MPI: variants seen among roughly 807,000 people sequenced by gnomAD.
The protein encoded by MPI is mannose phosphate isomerase.
Under a neutral mutation model 40.1 loss-of-function variants are expected in MPI, and 33 were observed. That is an observed-to-expected ratio of 0.82 (90% CI 0.62 to 1.10). The LOEUF is 1.10. Ranked by LOEUF, MPI falls within the 50% of genes least tolerant of loss-of-function variation. The pLI is 0.00. For missense variants in MPI, 514 were observed against 524.1 expected (o/e 0.98, Z 0.19); for synonymous variants, 187 against 207.4 (o/e 0.90, Z 0.85).
At position 74,895,129 on chromosome 15, in the gene MPI, C is replaced by CT. The variant is rs71140110; in HGVS notation, c.671-1004dup. 7.1e-3 allele frequency among the ~76,000 whole-genome samples: 784 copies of CT among 110,536 alleles called. 5 individuals are homozygous for CT. The highest frequency in any genetic ancestry group is 0.011 in the Middle Eastern group (2 of 190). 72.5% of individuals were successfully genotyped at this position (110,536 alleles called of 152,430 possible). ...TACAGGCACGTGCCACCACACCTGGCTTTTTTTTTTTTTTTTTTTGTATTT... is the reference window on the plus strand; with the variant it reads ...TACAGGCACGTGCCACCACACCTGGCTTTTTTTTTTTTTTTTTTTTGTATTT... On this transcript the variant is annotated intron_variant, in intron 5 of 7. Coordinates refer to ENST00000352410, the MANE Select transcript of MPI (RefSeq NM_002435.3).
At chr15:74,890,757 G>A in intron 2 of MPI, 103 bp downstream of exon 2, 1 of 1,538,516 alleles carries the variant, frequency 6.5e-7, no homozygotes, top group Non-Finnish European at 8.9e-7. Context: ...CAGCAAGGAG[G>A]GAGGAGACCC....
chr15:74,892,798 A>G lies in MPI; in HGVS notation c.483A>G (p.Leu161=), dbSNP rs752681489. Residue 161 remains leucine (L), a synonymous_variant, in exon 4 of 8, where the codon CTA becomes CTG. Coordinates refer to ENST00000352410, the MANE Select transcript of MPI (RefSeq NM_002435.3). ...FRPVEEIVTF[L]KKVPEFQFLI... The stretch of plus-strand genomic sequence containing the variant: ...CAGTTGAGGAGATTGTAACCTTTCT[A>G]AAGAGTAAGTTGGGCAGAATGCTGA... The G allele has an allele frequency of 6.2e-7, 1 of 1,614,192 alleles. No individual in the cohort carries two copies.
In MPI at chr15:74,898,028, G is replaced by T; in HGVS notation, c.*298G>T. ...AACTCTGTTCCAGCCTATGGCTTTA[G>T]GCTAGCTGTTAAATATGTGACCCAG... On this transcript the variant is annotated 3_prime_UTR_variant, in exon 8 of 8. Coordinates refer to ENST00000352410, the MANE Select transcript of MPI (RefSeq NM_002435.3). The T allele has an allele frequency of 2.2e-6, 1 of 464,170 alleles. No homozygotes were observed. The highest frequency in any genetic ancestry group is 4.0e-6 in the Non-Finnish European group (1 of 249,252). 28.8% of individuals were successfully genotyped at this position (464,170 alleles called of 1,614,324 possible). A position where few individuals can be genotyped will look rare whatever the true frequency, so the allele number is the denominator to read the frequency against.
In MPI at chr15:74,901,883, A is replaced by G. The variant is rs1595834256; in HGVS notation, c.*4153A>G. The G allele has an allele frequency of 1.0e-5, 4 of 382,474 alleles. No homozygotes were observed. The East Asian group carries it at 1.1e-4, about 11-fold the overall frequency. 23.7% of individuals were successfully genotyped at this position (382,474 alleles called of 1,614,324 possible). ...CCAGACCAAGGAAATACAAATAAAT[A>G]AATATGAACATGTCAGAGCAGTTTT... On this transcript the variant is annotated 3_prime_UTR_variant, in exon 8 of 8. Transcript: ENST00000352410.
At position 74,893,307 on chromosome 15, in the gene MPI, G is replaced by A. The variant is rs1318782866; in HGVS notation, c.657G>A (p.Arg219=). ...AACAGCTCAACCTGTTGGTGAAGCGGATCTCCCAGCAAGGTGGACACAGTT... is the reference window on the plus strand; with the variant it reads ...AACAGCTCAACCTGTTGGTGAAGCGAATCTCCCAGCAAGGTGGACACAGTT... ...VVEQLNLLVK[R]ISQQAAAGNN... is the part of the protein sequence containing the mutation. The change falls in exon 5 of 8, where the codon CGG becomes CGA. Residue 219 remains arginine, a synonymous_variant. Coordinates refer to ENST00000352410, the MANE Select transcript of MPI (RefSeq NM_002435.3). 1.2e-6 allele frequency: 2 copies of A among 1,614,226 alleles called. No individual in the cohort carries two copies. Among genetic ancestry groups the A allele is most frequent in the Admixed American group, 3.3e-5 (2 of 60,024 alleles).
chr15:74,897,732 G>A lies in MPI; in HGVS notation c.*2G>A. The A allele has an allele frequency of 1.9e-6, 3 of 1,613,540 alleles. No individual in the cohort carries two copies. The highest frequency in any genetic ancestry group is 1.7e-5 in the Admixed American group (1 of 60,018). ...TTCCGTGCCTGCTGTCTGCTGTAAA[G>A]GCTGCAGCCTCCCCAGCTCTCCTCT... On this transcript the variant is annotated 3_prime_UTR_variant, in exon 8 of 8. Transcript: ENST00000352410.
At chr15:74,890,141 G>A in intron 1 of MPI, 52 bp downstream of exon 1, 1 of 1,604,314 alleles carries the variant, frequency 6.2e-7, no homozygotes, top group East Asian at 2.2e-5. Context: ...CGCGTCCTGG[G>A]GACGACTCCC....
At chr15:74,894,107 T>TGTGTGTGTGTTTTTTCTGAGCCAG (rs1555478772) in intron 5 of MPI, among the ~76,000 whole-genome samples, 1 of 60,958 alleles carries the variant, frequency 1.6e-5, no homozygotes, top group Non-Finnish European at 4.6e-5. Context: ...TGTGTGTGTG[T>TGTGTGTGTGTTTTTTCTGAGCCAG]GGTCTCTTTC....
At chr15:74,891,236 C>A in intron 2 of MPI, 143 bp from the exon 3 acceptor site, 1 of 776,094 alleles carries the variant, frequency 1.3e-6, no homozygotes. Flanking sequence ...TCCATGATGG[C>A]ATGAACATTT....
rs143252135 is a variant in MPI, at chr15:74,892,464, C to T, written c.346-197C>T. On this transcript the variant is annotated intron_variant, in intron 3 of 7. Transcript: ENST00000352410. ...TCCCTGATTTGCCCCGGGGTTGCCC[C>T]TGATTTGCCCCTGCCCTGGGTTGGC... 9.3e-3 allele frequency among the ~76,000 whole-genome samples: 1,420 copies of T among 152,338 alleles called. 24 individuals are homozygous for T. The highest frequency in any genetic ancestry group is 0.033 in the African/African-American group (1,353 of 41,558).
chr15:74,897,284 G>A, intron 7 of MPI, 65 bp downstream of exon 7: 1 of 1,575,590 alleles, frequency 6.3e-7, no homozygotes, highest in Middle Eastern at 1.7e-4. Context: ...GGGTCACGAT[G>A]TGGAGGACAC....
rs1475612450 is a variant in MPI, at chr15:74,897,142, C to T, written c.976C>T (p.Pro326Ser). ...PSSSKDRLFL[P>S]TRSQEDPYLS... ...CTCCAGCAAGGACAGGCTCTTTCTCCCAACACGGAGTCAGGAAGACCCCTA... is the reference window on the plus strand; with the variant it reads ...CTCCAGCAAGGACAGGCTCTTTCTCTCAACACGGAGTCAGGAAGACCCCTA... The change falls in exon 7 of 8, where the codon CCA becomes TCA. Residue 326 changes from proline to serine, a missense_variant. Transcript: ENST00000352410. 1 of 1,614,194 alleles carries T rather than the reference C, an allele frequency of 6.2e-7. No individual in the cohort carries two copies.
intron 1 of MPI, 168 bp downstream of exon 1, chr15:74,890,257 G>A: frequency 4.7e-6 from 5 of 1,055,656 alleles, no homozygotes; most frequent in South Asian, 1.3e-5. Context: ...TCCGAGGGGA[G>A]GGGGCCCTTC....
In MPI at chr15:74,890,586, G is replaced by T. The variant is rs760694473; in HGVS notation, c.76G>T (p.Glu26Ter). 2.5e-6 allele frequency: 4 copies of T among 1,614,166 alleles called. No homozygotes were observed. The highest frequency in any genetic ancestry group is 3.4e-6 in the Non-Finnish European group (4 of 1,180,036). ...CTGGGGGAAGATGGGTTCCAACAGC[G>T]AAGTGGCGCGGCTGTTGGCCAGCAG... ...YAWGKMGSNS[E>*]VARLLASSDP... Residue 26 changes from glutamate (E) to a stop codon, truncating the protein, a stop_gained, in exon 2 of 8, where the codon GAA (glutamate) becomes TAA (stop). Transcript: ENST00000352410. LOFTEE classifies it high-confidence loss of function.
chr15:74,894,899 T>C (rs1432635504), intron 5 of MPI, among the ~76,000 whole-genome samples: 1 of 152,116 alleles, frequency 6.6e-6, no homozygotes, highest in Non-Finnish European at 1.5e-5. Flanking sequence ...CAGGACACAT[T>C]TTGGCCCTCA....
intron 1 of MPI, chr15:74,890,297 C>G: frequency 1.2e-6 from 1 of 855,098 alleles, no homozygotes; most frequent in Admixed American, 2.0e-5. Flanking sequence ...TAGGTACCTT[C>G]TGCTCCCTCC....
intron 4 of MPI, 93 bp from the exon 5 acceptor site, chr15:74,893,045 G>A: frequency 6.5e-7 from 1 of 1,535,134 alleles, no homozygotes; most frequent in Non-Finnish European, 9.0e-7. Flanking sequence ...TCTTTGGTTA[G>A]GGCTGGGATG....
In MPI at chr15:74,893,257, A is replaced by G; in HGVS notation, c.607A>G (p.Lys203Glu). ...GCAGAGCTGTTTCTCCCACCTGATG[A>G]AGAGTGAGAAGAAGGTGGTGGTGGA... The part of the protein sequence containing the change: ...SLQSCFSHLM[K>E]SEKKVVVEQL... The change falls in exon 5 of 8, where the codon AAG becomes GAG. Residue 203 changes from lysine to glutamate, a missense_variant. Coordinates refer to ENST00000352410, the MANE Select transcript of MPI (RefSeq NM_002435.3). 6.2e-7 allele frequency: 1 copy of G among 1,614,180 alleles called. No individual in the cohort carries two copies. The highest frequency in any genetic ancestry group is 8.5e-7 in the Non-Finnish European group (1 of 1,180,038).
Position 74,899,275 on chromosome 15 carries a change from G to A in MPI, c.*1545G>A, listed in dbSNP as rs551646845. ...TCACTTAGTCCACTGGCTCCTTCCT[G>A]TGGGATAAAGGTTTAAATTCATGCA... On this transcript the variant is annotated 3_prime_UTR_variant, in exon 8 of 8. Coordinates refer to ENST00000352410, the MANE Select transcript of MPI (RefSeq NM_002435.3). 2.0e-5 allele frequency: 3 copies of A among 152,300 alleles called. No individual in the cohort carries two copies. The South Asian group carries it at 6.2e-4, about 32-fold the overall frequency. 9.4% of individuals were successfully genotyped at this position (152,300 alleles called of 1,614,324 possible).
Sources: allele counts gnomAD v4.1 joint callset (sites outside exome capture counted in the v4.1 genomes callset), GRCh38; gene constraint gnomAD v4.1.1; transcripts MANE v1.5; gene names NCBI Gene and HGNC (gene_info 2026-07-23, HGNC 2026-07-21).